NBAS: variants seen among roughly 807,000 people sequenced by gnomAD.
NBAS encodes NBAS subunit of NRZ tethering complex, also known as NAG/BC035112 fusion.
Under a neutral mutation model 302.5 loss-of-function variants are expected in NBAS, and 219 were observed. That is an observed-to-expected ratio of 0.72 (90% CI 0.65 to 0.81). NBAS has a LOEUF of 0.81. NBAS is among the 30% of genes least tolerant of loss of function. NBAS has a pLI of 0.00. For missense variants in NBAS, 2,932 were observed against 2,841.6 expected, an observed-to-expected ratio of 1.03 and a Z score of -0.72; for synonymous variants, 1,118 against 1,021.6, an observed-to-expected ratio of 1.09 and a Z score of -1.80.
chr2:15,390,428 G>T (rs1274728958), intron 28 of NBAS, among the ~76,000 whole-genome samples: 1 of 152,112 alleles, frequency 6.6e-6, no homozygotes, highest in Non-Finnish European at 1.5e-5. Context: ...CCAAAACAGT[G>T]GTTACTATAA....
At chr2:14,952,796 CTGT>C in the NBAS span, among the ~76,000 whole-genome samples, 2 of 152,200 alleles carry the variant, frequency 1.3e-5, no homozygotes, top group African/African-American at 4.8e-5. Flanking sequence ...TGCAGAATTC[CTGT>C]TATATCCCAG....
At chr2:15,255,202 T>C (rs1425263022) in intron 44 of NBAS, among the ~76,000 whole-genome samples, 2 of 152,200 alleles carry the variant, frequency 1.3e-5, no homozygotes, top group South Asian at 2.1e-4. Flanking sequence ...AGATGTTCCC[T>C]TTTCATCATA....
the NBAS span, among the ~76,000 whole-genome samples, chr2:15,113,320 CGTGTGTGT>C: frequency 6.5e-3 from 845 of 129,938 alleles, 10 homozygotes; most frequent in African/African-American, 0.017. Context: ...GGTATGAACT[CGTGTGTGT>C]GTGTGTGTGT....
At chr2:15,541,848 G>GT (rs79378998) in intron 6 of NBAS, among the ~76,000 whole-genome samples, 1 of 66,018 alleles carries the variant, frequency 1.5e-5, no homozygotes, top group Non-Finnish European at 3.6e-5. Flanking sequence ...CGTCCGGGAG[G>GT]GAGGTGGGGG....
At chr2:15,250,819 G>C (rs1312911782) in intron 44 of NBAS, among the ~76,000 whole-genome samples, 1 of 152,184 alleles carries the variant, frequency 6.6e-6, no homozygotes, top group Non-Finnish European at 1.5e-5. Flanking sequence ...ACAGATACTG[G>C]AGAGGATGTG....
chr2:15,539,083 A>T, intron 7 of NBAS, 140 bp downstream of exon 7: 1 of 1,132,386 alleles, frequency 8.8e-7, no homozygotes, highest in Admixed American at 2.0e-5. Context: ...ATTTCTAACT[A>T]GATTCTGGGC....
chr2:15,435,129 G>A lies in NBAS; in HGVS notation c.2340-7335C>T, dbSNP rs1428551519. On this transcript the variant is annotated intron_variant, in intron 21 of 51. Transcript: ENST00000281513. ...AAATGTACCAAAATATTCATGAATT[G>A]TATCAGTGTTCATTATAAAAAATAA... 4.6e-5 allele frequency among the ~76,000 whole-genome samples: 7 copies of A among 152,274 alleles called. No individual in the cohort carries two copies. The South Asian group carries it at 1.0e-3, about 23-fold the overall frequency.
intron 9 of NBAS, among the ~76,000 whole-genome samples, chr2:15,520,689 A>G (rs1307348629): frequency 6.6e-6 from 1 of 152,172 alleles, no homozygotes; most frequent in African/African-American, 2.4e-5. Context: ...AAACACAGAA[A>G]TTTGAATTTC....
At chr2:14,851,204 G>C in the NBAS span, among the ~76,000 whole-genome samples, 4 of 134,840 alleles carry the variant, frequency 3.0e-5, no homozygotes, top group African/African-American at 1.1e-4. Context: ...AAGAAAAAAA[G>C]AGGGAAGAAT....
chr2:15,115,807 C>CAATCATAGTA, the NBAS span, among the ~76,000 whole-genome samples: 3 of 152,104 alleles, frequency 2.0e-5, no homozygotes, highest in African/African-American at 7.2e-5. Flanking sequence ...TCACCATGCC[C>CAATCATAGTA]AATCATAGTA....
intron 23 of NBAS, among the ~76,000 whole-genome samples, chr2:15,423,107 T>C (rs1677290820): frequency 1.3e-5 from 2 of 152,186 alleles, no homozygotes; most frequent in Admixed American, 6.5e-5. Context: ...GGGACCCAGA[T>C]TTTGTCTGGC....
chr2:15,223,228 A>T (rs1667024392), intron 47 of NBAS, among the ~76,000 whole-genome samples: 1 of 152,240 alleles, frequency 6.6e-6, no homozygotes, highest in African/African-American at 2.4e-5. Context: ...CGGTTCAGCA[A>T]ATATACAAAC....
At chr2:15,339,009 T>C (rs1197523708) in intron 35 of NBAS, among the ~76,000 whole-genome samples, 2 of 152,114 alleles carry the variant, frequency 1.3e-5, no homozygotes, top group African/African-American at 4.8e-5. Flanking sequence ...AGCCAAACCC[T>C]GTCTCTAAAA....
At chr2:15,418,638 C>G (rs1471074282) in intron 23 of NBAS, among the ~76,000 whole-genome samples, 1 of 152,074 alleles carries the variant, frequency 6.6e-6, no homozygotes, top group African/African-American at 2.4e-5. Context: ...CTGAGAGGGT[C>G]CCAGAGGAGG....
the NBAS span, among the ~76,000 whole-genome samples, chr2:15,058,339 C>T: frequency 6.6e-6 from 1 of 152,150 alleles, no homozygotes; most frequent in Admixed American, 6.5e-5. Context: ...CTACAATGCC[C>T]AGGACAGCCC....
chr2:15,544,554 A>C (rs1664011845), intron 6 of NBAS, among the ~76,000 whole-genome samples: 1 of 152,240 alleles, frequency 6.6e-6, no homozygotes, highest in Admixed American at 6.5e-5. Flanking sequence ...AACTTAAAGC[A>C]GGATAAACTC....
chr2:15,068,937 G>T, the NBAS span, among the ~76,000 whole-genome samples: 4 of 152,194 alleles, frequency 2.6e-5, no homozygotes, highest in African/African-American at 7.2e-5. Flanking sequence ...CCTGGTTGGT[G>T]GGAAGTCTCT....
the NBAS span, among the ~76,000 whole-genome samples, chr2:14,978,276 G>A: frequency 6.6e-6 from 1 of 152,258 alleles, no homozygotes; most frequent in East Asian, 1.9e-4. Flanking sequence ...TTCAGAGTAT[G>A]TAGTATCATA....
At chr2:15,529,681 C>T (rs762421736) in intron 9 of NBAS, among the ~76,000 whole-genome samples, 4 of 152,084 alleles carry the variant, frequency 2.6e-5, no homozygotes, top group Non-Finnish European at 5.9e-5. Flanking sequence ...AGTATCAAGG[C>T]TTGGCAAAAT....
Sources: allele counts gnomAD v4.1 joint callset (sites outside exome capture counted in the v4.1 genomes callset), GRCh38; gene constraint gnomAD v4.1.1; transcripts MANE v1.5; gene names NCBI Gene and HGNC (gene_info 2026-07-23, HGNC 2026-07-21).